CREBRF: variants seen among roughly 807,000 people sequenced by gnomAD.
CREBRF encodes CREB3 regulatory factor.
In CREBRF, 5 loss-of-function variants were observed where a neutral mutation model predicts 66.1. That is an observed-to-expected ratio of 0.08 (90% CI 0.04 to 0.16). The LOEUF is 0.16. Ranked by LOEUF, CREBRF falls within the 10% of genes least tolerant of loss-of-function variation. The pLI is 1.00. For missense variants in CREBRF, 531 were observed against 744.9 expected (o/e 0.71, Z 3.34); for synonymous variants, 229 against 264.4 (o/e 0.87, Z 1.30).
intron 1 of CREBRF, among the ~76,000 whole-genome samples, chr5:173,066,214 A>T (rs1757433458): frequency 6.6e-6 from 1 of 152,232 alleles, no homozygotes. Context: ...AAATCTTGTA[A>T]GATCAACTAG....
intron 2 of CREBRF, among the ~76,000 whole-genome samples, chr5:173,081,441 CCT>C (rs1757939323): frequency 6.6e-6 from 1 of 152,162 alleles, no homozygotes; most frequent in Non-Finnish European, 1.5e-5. Flanking sequence ...TTGCCCCTCC[CCT>C]GTTTGTTTCA....
At position 173,112,293 on chromosome 5, in the gene CREBRF, C is replaced by T. The variant is rs906481725; in HGVS notation, c.1608-13C>T. The T allele has an allele frequency of 6.4e-7, 1 of 1,564,318 alleles. No homozygotes were observed. ...GAAAAAGAAAGTGAACTAACTGCTC[C>T]TTCCTTTCACAGAGCTTGTCGGTTA... On this transcript the variant is annotated splice_polypyrimidine_tract_variant and intron_variant, in intron 6 of 8. Coordinates refer to ENST00000296953, the MANE Select transcript of CREBRF (RefSeq NM_153607.3).
In CREBRF at chr5:173,091,117, C is replaced by T; in HGVS notation, c.938C>T (p.Ala313Val). The T allele has an allele frequency of 6.2e-7, 1 of 1,614,210 alleles. No homozygotes were observed. The highest frequency in any genetic ancestry group is 8.5e-7 in the Non-Finnish European group (1 of 1,180,050). The change falls in exon 4 of 9, where the codon GCA (alanine) becomes GTA (valine). Residue 313 changes from alanine to valine, a missense_variant. Around this residue, in one of 5 missense-constraint regions of CREBRF, gnomAD observed 309 missense variants for 341.4 expected, o/e 0.90. Coordinates refer to ENST00000296953, the MANE Select transcript of CREBRF (RefSeq NM_153607.3). ...LPQEGPGSLAAGESSSLSAST... is the reference protein window; with the variant it reads ...LPQEGPGSLAVGESSSLSAST... Reference sequence around the variant, plus strand: ...CAGGAAGGTCCTGGGTCACTTGCAGCAGGAGAGAGCAGCAGTCTTTCTGCC... The same window carrying T: ...CAGGAAGGTCCTGGGTCACTTGCAGTAGGAGAGAGCAGCAGTCTTTCTGCC...
chr5:173,083,982 A>G (rs1410613102), intron 2 of CREBRF, among the ~76,000 whole-genome samples: 2 of 152,210 alleles, frequency 1.3e-5, no homozygotes, highest in African/African-American at 4.8e-5. Context: ...AAAATCAGCA[A>G]ATGGCAGACA....
intron 2 of CREBRF, among the ~76,000 whole-genome samples, chr5:173,083,632 A>T (rs1356946337): frequency 6.6e-6 from 1 of 152,198 alleles, no homozygotes; most frequent in African/African-American, 2.4e-5. Flanking sequence ...AAAATAAGAC[A>T]TGGGACTCAG....
In CREBRF at chr5:173,112,385, C is replaced by A; in HGVS notation, c.1681+6C>A. On this transcript the variant is annotated splice_donor_region_variant and intron_variant, in intron 7 of 8. Coordinates refer to ENST00000296953, the MANE Select transcript of CREBRF (RefSeq NM_153607.3). ...GGGCCTCAACACAGAATATGGTAAA[C>A]CTAAAGTTTTAAGAAGTTGATTAAC... 1.3e-6 allele frequency: 2 copies of A among 1,561,164 alleles called. No homozygotes were observed. The highest frequency in any genetic ancestry group is 8.7e-7 in the Non-Finnish European group (1 of 1,147,800).
chr5:173,137,068 A>G lies in CREBRF; in HGVS notation c.*3323A>G, dbSNP rs1759602835. ...ATGCTGTCCAGTCGCTCTTGTTAAG[A>G]TCTTGTCTGAGTTTTGAATTGGGTG... On this transcript the variant is annotated 3_prime_UTR_variant, in exon 9 of 9. Coordinates refer to ENST00000296953, the MANE Select transcript of CREBRF (RefSeq NM_153607.3). 2.0e-5 allele frequency: 3 copies of G among 151,938 alleles called. No individual in the cohort carries two copies. The highest frequency in any genetic ancestry group is 6.6e-5 in the Admixed American group (1 of 15,248). The allele number at this position is 151,938 out of a possible 1,614,324, so 9.4% of individuals were successfully genotyped here.
intron 2 of CREBRF, chr5:173,085,366 G>A (rs1378182080): frequency 3.2e-5 from 40 of 1,259,960 alleles, no homozygotes; most frequent in African/African-American, 3.0e-5. Context: ...GCTCTTCTTC[G>A]ATCCTGGAGG....
intron 7 of CREBRF, among the ~76,000 whole-genome samples, chr5:173,118,584 A>G (rs1381668145): frequency 6.6e-6 from 1 of 152,174 alleles, no homozygotes; most frequent in Non-Finnish European, 1.5e-5. Flanking sequence ...TTGATCAGGC[A>G]CCATACATTG....
chr5:173,086,723 CTTGGGCCAAGT>C, intron 3 of CREBRF, 97 bp downstream of exon 3: 1 of 1,068,890 alleles, frequency 9.4e-7, no homozygotes. Context: ...AAAAGATGTG[CTTGGGCCAAGT>C]TTGATTCTTA....
At position 173,134,680 on chromosome 5, in the gene CREBRF, GCAAACTGC is replaced by G. The variant is rs997363592; in HGVS notation, c.*938_*945del. 1 of 152,182 alleles carries G rather than the reference GCAAACTGC, an allele frequency of 6.6e-6. No individual in the cohort carries two copies. Among genetic ancestry groups the G allele is most frequent in the Non-Finnish European group, 1.5e-5 (1 of 68,076 alleles). The allele number at this position is 152,182 out of a possible 1,614,324, so 9.4% of individuals were successfully genotyped here. A position where few individuals can be genotyped will look rare whatever the true frequency, so the allele number is the denominator to read the frequency against. Reference sequence around the variant, plus strand: ...ACCAAAGACAAATGCAACTGATATGGCAAACTGCCAGTCTAAGTAAAGTTTTGCACAGC... The same window carrying G: ...ACCAAAGACAAATGCAACTGATATGGCAGTCTAAGTAAAGTTTTGCACAGC... On this transcript the variant is annotated 3_prime_UTR_variant, in exon 9 of 9. Coordinates refer to ENST00000296953, the MANE Select transcript of CREBRF (RefSeq NM_153607.3).
At chr5:173,089,462 G>A (rs1014087149) in intron 3 of CREBRF, among the ~76,000 whole-genome samples, 8 of 151,646 alleles carry the variant, frequency 5.3e-5, no homozygotes, top group African/African-American at 1.9e-4. Context: ...TATATGGTGG[G>A]CAGTCTTTCA....
At chr5:173,092,398 G>A in intron 4 of CREBRF, 1 of 985,422 alleles carries the variant, frequency 1.0e-6, no homozygotes, top group Non-Finnish European at 1.2e-6. Context: ...AATCTCTGGG[G>A]GAACTGGTTC....
chr5:173,119,216 C>T (rs1368107315), intron 7 of CREBRF, among the ~76,000 whole-genome samples: 1 of 152,148 alleles, frequency 6.6e-6, no homozygotes, highest in Non-Finnish European at 1.5e-5. Flanking sequence ...TACAGAAAAG[C>T]TTACTGGAAT....
intron 1 of CREBRF, among the ~76,000 whole-genome samples, chr5:173,065,799 T>C (rs1220764112): frequency 6.6e-6 from 1 of 151,074 alleles, no homozygotes; most frequent in Non-Finnish European, 1.5e-5. Flanking sequence ...TGTGCCACCA[T>C]GCCCAGCTAA....
intron 1 of CREBRF, among the ~76,000 whole-genome samples, chr5:173,073,690 G>A (rs781445735): frequency 3.9e-5 from 6 of 152,110 alleles, no homozygotes; most frequent in Non-Finnish European, 8.8e-5. Flanking sequence ...TTTTAGGGCC[G>A]GGCGCAGTGG....
chr5:173,086,159 T>G (rs1375842250), intron 2 of CREBRF: 1 of 780,772 alleles, frequency 1.3e-6, no homozygotes, highest in Non-Finnish European at 2.4e-6. Flanking sequence ...TCAGGAGACA[T>G]GTTTTGCCAA....
intron 2 of CREBRF, 119 bp downstream of exon 2, chr5:173,080,903 T>G: frequency 1.1e-6 from 1 of 939,482 alleles, no homozygotes; most frequent in Non-Finnish European, 1.6e-6. Context: ...GATATCTCAT[T>G]TCTGATCTCA....
chr5:173,056,827 C>G (rs1258046525), intron 1 of CREBRF, among the ~76,000 whole-genome samples: 3 of 151,794 alleles, frequency 2.0e-5, no homozygotes, highest in Non-Finnish European at 4.4e-5. Flanking sequence ...TCCCCGCTGC[C>G]TCCGAGCCCG....
Sources: allele counts gnomAD v4.1 joint callset (sites outside exome capture counted in the v4.1 genomes callset), GRCh38; gene constraint gnomAD v4.1.1; regional missense constraint gnomAD v4.1.1; transcripts MANE v1.5; gene names NCBI Gene and HGNC (gene_info 2026-07-23, HGNC 2026-07-21).